The following SLC2A10 variants were observed in gnomAD, a reference collection of about 807,000 sequenced individuals.
The protein encoded by SLC2A10 is solute carrier family 2, facilitated glucose transporter member 10.
In SLC2A10, 25 loss-of-function variants were observed where a neutral mutation model predicts 32.1. The ratio of observed to expected loss-of-function variants is 0.78; its 90% CI spans 0.57 to 1.09. SLC2A10 has a LOEUF of 1.09. Among genes scored for constraint, SLC2A10 ranks in the 50% least tolerant of loss-of-function variants. The pLI is 0.00. For synonymous variants in SLC2A10, 332 were observed against 309.6 expected (o/e 1.07, Z -0.76); for missense variants, 673 against 686.5 (o/e 0.98, Z 0.22).
intron 1 of SLC2A10, among the ~76,000 whole-genome samples, chr20:46,713,673 G>T (rs1359139945): frequency 2.0e-5 from 3 of 152,178 alleles, no homozygotes; most frequent in African/African-American, 4.8e-5. Flanking sequence ...AATCCTTCTG[G>T]CTGCTGTGTA....
intron 1 of SLC2A10, among the ~76,000 whole-genome samples, chr20:46,711,370 A>G (rs1212112056): frequency 1.3e-5 from 2 of 152,304 alleles, no homozygotes; most frequent in Admixed American, 6.5e-5. Context: ...TCCAGTCTGC[A>G]TTCCTAACCA....
At chr20:46,732,022 T>C (rs906444047) in intron 4 of SLC2A10, among the ~76,000 whole-genome samples, 1 of 152,116 alleles carries the variant, frequency 6.6e-6, no homozygotes, top group Non-Finnish European at 1.5e-5. Context: ...TCCCCAAAAA[T>C]GGGAGGCAGA....
At chr20:46,729,648 T>TG (rs1980183205) in intron 4 of SLC2A10, among the ~76,000 whole-genome samples, 160 bp downstream of exon 4, 2 of 84,500 alleles carry the variant, frequency 2.4e-5, no homozygotes, top group Non-Finnish European at 2.6e-5. Context: ...TTTTTTTTTT[T>TG]TTTTTTTTTT....
At chr20:46,709,918 G>A (rs2122987502) in intron 1 of SLC2A10, 178 bp downstream of exon 1, 2 of 650,262 alleles carry the variant, frequency 3.1e-6, no homozygotes, top group South Asian at 4.0e-5. Context: ...GCTGGGACGG[G>A]GCTCGGTCGC....
rs1167972669 is a variant in SLC2A10 at position 46,725,392 on chromosome 20, G to A, written c.356G>A (p.Cys119Tyr). ...GFAISLSSMA[C>Y]CIYVSELVGP... The stretch of plus-strand genomic sequence containing the variant: ...GCCATTTCCCTCTCCTCCATGGCTT[G>A]CTGTATCTACGTGTCAGAGCTGGTG... The change falls in exon 2 of 5, where the codon TGC (cysteine) becomes TAC (tyrosine). Residue 119 changes from cysteine to tyrosine, a missense_variant. Physicochemically the swap from Cys to Tyr is radical, Grantham distance 194. Coordinates refer to ENST00000359271, the MANE Select transcript of SLC2A10 (RefSeq NM_030777.4). 18 of 1,614,042 alleles carry A rather than the reference G, an allele frequency of 1.1e-5. No homozygotes were observed. Among genetic ancestry groups the A allele is most frequent in the Non-Finnish European group, 1.4e-5 (17 of 1,180,042 alleles).
At chr20:46,709,640 G>A (rs1978783149), upstream of SLC2A10, 2 of 1,454,390 alleles carry the variant, frequency 1.4e-6, no homozygotes. Flanking sequence ...GGGGCGGGCC[G>A]GAAAGTTTGT....
At position 46,733,681 on chromosome 20, in the gene SLC2A10, C is replaced by T. The variant is rs970163030; in HGVS notation, c.1548-75C>T. On this transcript the variant is annotated intron_variant, in intron 4 of 4. Coordinates refer to ENST00000359271, the MANE Select transcript of SLC2A10 (RefSeq NM_030777.4). Reference sequence around the variant, plus strand: ...AGGTGGGATTGGGTGGTGGGAACCCCAGTGGAAGGTCCACTCCCCAGGGAC... The same window carrying T: ...AGGTGGGATTGGGTGGTGGGAACCCTAGTGGAAGGTCCACTCCCCAGGGAC... The T allele has an allele frequency of 2.6e-6, 3 of 1,153,748 alleles. No homozygotes were observed. The African/African-American group carries it at 4.6e-5, about 18-fold the overall frequency. 71.5% of individuals were successfully genotyped at this position (1,153,748 alleles called of 1,614,324 possible). A position where few individuals can be genotyped will look rare whatever the true frequency, so the allele number is the denominator to read the frequency against.
intron 2 of SLC2A10, 43 bp from the exon 3 acceptor site, chr20:46,726,821 G>A: frequency 6.2e-7 from 1 of 1,613,562 alleles, no homozygotes; most frequent in Non-Finnish European, 8.5e-7. Flanking sequence ...CCAGGCCCCA[G>A]GTCCCACCAC....
intron 1 of SLC2A10, among the ~76,000 whole-genome samples, chr20:46,716,793 C>G (rs918349933): frequency 6.6e-6 from 1 of 152,008 alleles, no homozygotes; most frequent in Admixed American, 6.6e-5. Flanking sequence ...GAGACTGAGG[C>G]GGGCGGATCA....
intron 3 of SLC2A10, among the ~76,000 whole-genome samples, chr20:46,727,265 A>C (rs1980026661): frequency 6.6e-6 from 1 of 152,124 alleles, no homozygotes; most frequent in African/African-American, 2.4e-5. Context: ...AAACTGGCTT[A>C]AACTGGTTCA....
chr20:46,724,755 G>A (rs997092090), intron 1 of SLC2A10, among the ~76,000 whole-genome samples: 2 of 151,050 alleles, frequency 1.3e-5, no homozygotes, highest in Non-Finnish European at 3.0e-5. Context: ...ATGGATGGAG[G>A]ATGAATGGAT....
intron 1 of SLC2A10, among the ~76,000 whole-genome samples, chr20:46,721,484 G>A (rs1464645132): frequency 6.6e-6 from 1 of 150,454 alleles, no homozygotes; most frequent in African/African-American, 2.4e-5. Context: ...GTTTTTCCAT[G>A]AGTCTGGAAA....
At chr20:46,709,590 G>C, upstream of SLC2A10, 1 of 1,034,424 alleles carries the variant, frequency 9.7e-7, no homozygotes, top group Non-Finnish European at 1.3e-6. Flanking sequence ...GGCGTTGGCG[G>C]CGCTGCGCGC....
chr20:46,712,437 C>G (rs1978969734), intron 1 of SLC2A10, among the ~76,000 whole-genome samples: 1 of 152,082 alleles, frequency 6.6e-6, no homozygotes, highest in Non-Finnish European at 1.5e-5. Flanking sequence ...CCCCCTGACC[C>G]TGTCCCGGGG....
At position 46,709,759 on chromosome 20, in the gene SLC2A10, C is replaced by T. The variant is rs1249206803; in HGVS notation, c.4+19C>T. The T allele has an allele frequency of 4.5e-6, 7 of 1,547,442 alleles. No homozygotes were observed. The highest frequency in any genetic ancestry group is 2.0e-5 in the Admixed American group (1 of 50,970). Reference sequence around the variant, plus strand: ...GCCATGGGTAAGTCCCGATCGGGCGCTGCCTGCTGGAAGCCCGACCCCTTC... The same window carrying T: ...GCCATGGGTAAGTCCCGATCGGGCGTTGCCTGCTGGAAGCCCGACCCCTTC... On this transcript the variant is annotated intron_variant, in intron 1 of 4. Transcript: ENST00000359271.
Position 46,725,894 on chromosome 20 carries a change from C to T in SLC2A10, c.858C>T (p.Thr286=), listed in dbSNP as rs758420381. Residue 286 remains threonine (T), a synonymous_variant, in exon 2 of 5, where the codon ACC becomes ACT. Transcript: ENST00000359271. The stretch of plus-strand genomic sequence containing the variant: ...CAGTGAAGGTGGCAGCTACCCTGAC[C>T]GCCATGGGGCTGGTGGACCGTGCAG... ...LGAVKVAATL[T]AMGLVDRAGR... 51 of 1,614,162 alleles carry T rather than the reference C, an allele frequency of 3.2e-5. No homozygotes were observed. The South Asian group carries it at 4.8e-4, about 15-fold the overall frequency.
In SLC2A10 at chr20:46,726,729, G is replaced by A; in HGVS notation, c.1289-135G>A. On this transcript the variant is annotated intron_variant, in intron 2 of 4. Transcript: ENST00000359271. ...AGACTCTACTGTAATTCTTATAGCA[G>A]AATGGGAGTGGGAGTTTAGTATCAG... 1.0e-5 allele frequency: 12 copies of A among 1,199,484 alleles called. No individual in the cohort carries two copies. The South Asian group carries it at 1.3e-4, about 13-fold the overall frequency. The allele number at this position is 1,199,484 out of a possible 1,614,324, so 74.3% of individuals were successfully genotyped here. A position where few individuals can be genotyped will look rare whatever the true frequency, so the allele number is the denominator to read the frequency against.
Position 46,734,427 on chromosome 20 carries a change from T to C in SLC2A10, c.*593T>C, listed in dbSNP as rs1426309235. ...CTAAGCAGCTGGGACTACAGGCGCATGCAACCATACCCAGCTAATTTATTT... is the reference window on the plus strand; with the variant it reads ...CTAAGCAGCTGGGACTACAGGCGCACGCAACCATACCCAGCTAATTTATTT... On this transcript the variant is annotated 3_prime_UTR_variant, in exon 5 of 5. Transcript: ENST00000359271. 1 of 164,178 alleles carries C rather than the reference T, an allele frequency of 6.1e-6. No homozygotes were observed. The highest frequency in any genetic ancestry group is 1.3e-5 in the Non-Finnish European group (1 of 75,238). 10.2% of individuals were successfully genotyped at this position (164,178 alleles called of 1,614,324 possible).
chr20:46,726,192 C>A lies in SLC2A10; in HGVS notation c.1156C>A (p.Pro386Thr). 6.2e-7 allele frequency: 1 copy of A among 1,614,232 alleles called. No homozygotes were observed. Among genetic ancestry groups the A allele is most frequent in the Non-Finnish European group, 8.5e-7 (1 of 1,180,054 alleles). The change falls in exon 2 of 5, where the codon CCT becomes ACT. Residue 386 changes from proline to threonine, a missense_variant. Coordinates refer to ENST00000359271, the MANE Select transcript of SLC2A10 (RefSeq NM_030777.4). ...PHPRSGDPSA[P>T]PRLALSSALP... ...TCCCAGATCTGGAGACCCCTCAGCC[C>A]CTCCTCGGCTGGCCCTGAGCTCTGC...
Sources: allele counts gnomAD v4.1 joint callset (sites outside exome capture counted in the v4.1 genomes callset), GRCh38; gene constraint gnomAD v4.1.1; transcripts MANE v1.5; gene names NCBI Gene and HGNC (gene_info 2026-07-23, HGNC 2026-07-21).